Variants in RBFOX1 observed in about 807,000 individuals in gnomAD.
The protein encoded by RBFOX1 is RNA binding fox-1 homolog 1.
In RBFOX1, 8 loss-of-function variants were observed where a neutral mutation model predicts 57.7. That is an observed-to-expected ratio of 0.14 (90% CI 0.08 to 0.25). RBFOX1 has a LOEUF of 0.25. Among genes scored for constraint, RBFOX1 ranks in the 10% least tolerant of loss-of-function variants. The pLI, the probability that RBFOX1 is intolerant of heterozygous loss-of-function variation, is 1.00. For synonymous variants in RBFOX1, 326 were observed against 222.4 expected, an observed-to-expected ratio of 1.47 and a Z score of -4.15; for missense variants, 611 against 548.5, an observed-to-expected ratio of 1.11 and a Z score of -1.14.
At chr16:6,736,950 A>G (rs2070525274) in intron 3 of RBFOX1, among the ~76,000 whole-genome samples, 1 of 152,182 alleles carries the variant, frequency 6.6e-6, no homozygotes, top group Non-Finnish European at 1.5e-5. Flanking sequence ...TGAAGTTAGC[A>G]TCGGGAAGCG....
rs2044461156 is a variant in RBFOX1 at position 5,531,120 on chromosome 16, T to C, written c.258+63866T>C. ...AGCCTGGGTGAGAAGAGCAAGACTC[T>C]ATCTCAAAAATAAAATAAAATAAAT... On this transcript the variant is annotated intron_variant, in intron 2 of 2. Coordinates refer to the RBFOX1 transcript ENST00000585867. 2.1e-5 allele frequency among the ~76,000 whole-genome samples: 3 copies of C among 144,110 alleles called. No homozygotes were observed. In the South Asian group the frequency reaches 6.5e-4, roughly 31 times the overall value. 94.5% of individuals were successfully genotyped at this position (144,110 alleles called of 152,430 possible).
intron 3 of RBFOX1, among the ~76,000 whole-genome samples, chr16:6,859,599 G>C (rs1329983186): frequency 2.0e-5 from 3 of 152,018 alleles, no homozygotes; most frequent in African/African-American, 4.8e-5. Flanking sequence ...AAATGCTTCA[G>C]AGATCTTCCT....
At chr16:7,198,587 A>C (rs755240161) in intron 4 of RBFOX1, among the ~76,000 whole-genome samples, 1 of 152,182 alleles carries the variant, frequency 6.6e-6, no homozygotes. Context: ...TGGAGGCTGG[A>C]AAGTCCAAGA....
At chr16:7,541,956 G>A (rs957390021) in intron 5 of RBFOX1, among the ~76,000 whole-genome samples, 23 of 152,238 alleles carry the variant, frequency 1.5e-4, no homozygotes, top group African/African-American at 5.5e-4. Flanking sequence ...TTTCTAAGGT[G>A]CAGTGCTTCA....
chr16:5,251,125 G>T (rs1335871361), intron 1 of RBFOX1, among the ~76,000 whole-genome samples: 2 of 136,078 alleles, frequency 1.5e-5, no homozygotes, highest in African/African-American at 5.1e-5. Context: ...CCCTGCTAAC[G>T]GTCCCCCCAG....
At chr16:6,802,151 G>C (rs2085621742) in intron 3 of RBFOX1, among the ~76,000 whole-genome samples, 1 of 151,500 alleles carries the variant, frequency 6.6e-6, no homozygotes, top group Admixed American at 6.6e-5. Context: ...CCCAGGAAAG[G>C]CCTGGGCACA....
chr16:7,244,857 A>G (rs1283498822), intron 4 of RBFOX1, among the ~76,000 whole-genome samples: 1 of 152,286 alleles, frequency 6.6e-6, no homozygotes, highest in East Asian at 1.9e-4. Context: ...ATGGGCCTAA[A>G]TAAGAGATAT....
At chr16:6,551,736 G>T (rs1428809211) in intron 2 of RBFOX1, among the ~76,000 whole-genome samples, 2 of 152,134 alleles carry the variant, frequency 1.3e-5, no homozygotes, top group African/African-American at 4.8e-5. Flanking sequence ...TCTGATGATT[G>T]ATAATAAGGC....
At chr16:7,503,625 T>C (rs2071747399) in intron 4 of RBFOX1, among the ~76,000 whole-genome samples, 1 of 152,118 alleles carries the variant, frequency 6.6e-6, no homozygotes, top group Non-Finnish European at 1.5e-5. Context: ...TTTCCCCCTT[T>C]AGAAAAAGTG....
chr16:7,309,257 A>T (rs947822955), intron 4 of RBFOX1, among the ~76,000 whole-genome samples: 4 of 152,228 alleles, frequency 2.6e-5, no homozygotes, highest in African/African-American at 9.7e-5. Flanking sequence ...CAGCCAGGTA[A>T]GGCCCACATT....
intron 2 of RBFOX1, among the ~76,000 whole-genome samples, chr16:6,594,220 A>C (rs527822477): frequency 1.3e-5 from 2 of 152,342 alleles, no homozygotes; most frequent in Admixed American, 1.3e-4. Flanking sequence ...CCAGCAAATA[A>C]TGCTGAATGT....
At chr16:5,259,352 C>T (rs1264839427) in intron 1 of RBFOX1, among the ~76,000 whole-genome samples, 5 of 152,246 alleles carry the variant, frequency 3.3e-5, no homozygotes, top group African/African-American at 1.2e-4. Flanking sequence ...GCAAAAGCTC[C>T]CAGCTGATCT....
chr16:6,320,229 A>C (rs1481553480), intron 2 of RBFOX1, among the ~76,000 whole-genome samples: 3 of 152,168 alleles, frequency 2.0e-5, no homozygotes, highest in African/African-American at 4.8e-5. Context: ...ATCACACAGG[A>C]GATTAGACTC....
chr16:5,312,370 G>A (rs1389685193), intron 1 of RBFOX1, among the ~76,000 whole-genome samples: 7 of 152,138 alleles, frequency 4.6e-5, no homozygotes, highest in African/African-American at 4.8e-5. Flanking sequence ...TCAGGCTGGA[G>A]TGCAGTGGCA....
At chr16:6,496,704 A>G (rs1434378036) in intron 2 of RBFOX1, among the ~76,000 whole-genome samples, 1 of 152,186 alleles carries the variant, frequency 6.6e-6, no homozygotes, top group Non-Finnish European at 1.5e-5. Context: ...TCATGCCTGT[A>G]ATCCCAGCAC....
chr16:6,345,576 C>T (rs1294322796), intron 2 of RBFOX1, among the ~76,000 whole-genome samples: 1 of 152,178 alleles, frequency 6.6e-6, no homozygotes, highest in African/African-American at 2.4e-5. Context: ...CCTCCTACCT[C>T]ACTTCCATCA....
chr16:5,758,817 G>C (rs1366202013), intron 3 of RBFOX1, among the ~76,000 whole-genome samples: 1 of 152,134 alleles, frequency 6.6e-6, no homozygotes, highest in Non-Finnish European at 1.5e-5. Flanking sequence ...TCTAGGGAAT[G>C]TATGCTCCCC....
chr16:7,263,454 G>T (rs552993285), intron 4 of RBFOX1, among the ~76,000 whole-genome samples: 1 of 152,296 alleles, frequency 6.6e-6, no homozygotes, highest in African/African-American at 2.4e-5. Flanking sequence ...TTGATGCCTG[G>T]ATCCCAGAAG....
At chr16:6,502,497 C>T (rs1030241726) in intron 2 of RBFOX1, among the ~76,000 whole-genome samples, 2 of 152,120 alleles carry the variant, frequency 1.3e-5, no homozygotes, top group Non-Finnish European at 1.5e-5. Context: ...AACCCATCTA[C>T]TATTTTAAGG....
Sources: allele counts gnomAD v4.1 joint callset (sites outside exome capture counted in the v4.1 genomes callset), GRCh38; gene constraint gnomAD v4.1.1; transcripts MANE v1.5; gene names NCBI Gene and HGNC (gene_info 2026-07-23, HGNC 2026-07-21).